The following SGCZ variants were observed in gnomAD, a reference collection of about 807,000 sequenced individuals.
The protein encoded by SGCZ is zeta-sarcoglycan.
A neutral mutation model predicts 41.3 loss-of-function variants in SGCZ; 40 were observed. That is an observed-to-expected ratio of 0.97 (90% CI 0.75 to 1.26). The LOEUF is 1.26. SGCZ is among the 50% of genes most tolerant of loss of function. The pLI, the probability that SGCZ is intolerant of heterozygous loss-of-function variation, is 0.00. For synonymous variants in SGCZ, 206 were observed against 137.5 expected, an observed-to-expected ratio of 1.50 and a Z score of -3.49; for missense variants, 552 against 369.8, an observed-to-expected ratio of 1.49 and a Z score of -4.04.
intron 1 of SGCZ, among the ~76,000 whole-genome samples, chr8:14,889,292 C>CAAA (rs200190975): frequency 7.4e-6 from 1 of 135,284 alleles, no homozygotes; most frequent in African/African-American, 2.7e-5. Context: ...GAAGACTGAC[C>CAAA]AAAAAAAAAA....
At chr8:14,458,985 T>A (rs1181142748) in intron 2 of SGCZ, among the ~76,000 whole-genome samples, 1 of 152,162 alleles carries the variant, frequency 6.6e-6, no homozygotes, top group Non-Finnish European at 1.5e-5. Context: ...AGTGGCCAAC[T>A]TGACAGAGAT....
Position 14,087,611 on chromosome 8 carries a change from T to C in SGCZ, c.*2832A>G, listed in dbSNP as rs1314225661. 1.3e-5 allele frequency among the ~76,000 whole-genome samples: 2 copies of C among 151,648 alleles called. No homozygotes were observed. The highest frequency in any genetic ancestry group is 3.0e-5 in the Non-Finnish European group (2 of 67,744). On this transcript the variant is annotated 3_prime_UTR_variant, in exon 8 of 8. Transcript: ENST00000382080. ...TGTCATTTGGGGAAGATGAAATTTA[T>C]ATAAGTAAACTGCATTTTATTTATA... is the stretch of plus-strand genomic sequence containing the variant.
chr8:14,263,023 C>T (rs1563220512), intron 3 of SGCZ, among the ~76,000 whole-genome samples: 1 of 152,154 alleles, frequency 6.6e-6, no homozygotes, highest in African/African-American at 2.4e-5. Context: ...AAATTTTAAA[C>T]TATGCATTTC....
chr8:14,985,081 C>A (rs1801787354), intron 1 of SGCZ, among the ~76,000 whole-genome samples: 1 of 152,070 alleles, frequency 6.6e-6, no homozygotes, highest in Admixed American at 6.6e-5. Context: ...CAAGCCAATA[C>A]CCAATGGTCA....
At chr8:14,240,630 T>A (rs1216714589) in intron 3 of SGCZ, among the ~76,000 whole-genome samples, 1 of 152,186 alleles carries the variant, frequency 6.6e-6, no homozygotes, top group Non-Finnish European at 1.5e-5. Flanking sequence ...CCTATGAACA[T>A]CAATATAGTA....
At chr8:15,103,248 A>G (rs563403811) in intron 1 of SGCZ, among the ~76,000 whole-genome samples, 4 of 152,138 alleles carry the variant, frequency 2.6e-5, no homozygotes, top group Admixed American at 2.0e-4. Context: ...TAAAAATACA[A>G]AAATTAGCAA....
At chr8:15,145,564 T>C (rs1161591495) in intron 1 of SGCZ, among the ~76,000 whole-genome samples, 1 of 152,194 alleles carries the variant, frequency 6.6e-6, no homozygotes, top group Non-Finnish European at 1.5e-5. Flanking sequence ...ACTCCTGGAT[T>C]TGAGTAATCC....
intron 3 of SGCZ, among the ~76,000 whole-genome samples, chr8:14,291,991 C>A (rs888535034): frequency 2.0e-5 from 3 of 152,022 alleles, no homozygotes; most frequent in Admixed American, 2.0e-4. Context: ...TTCTAATCTT[C>A]TCTCCATTAG....
At chr8:15,108,166 C>T (rs568881272) in intron 1 of SGCZ, among the ~76,000 whole-genome samples, 74 of 152,032 alleles carry the variant, frequency 4.9e-4, no homozygotes, top group Non-Finnish European at 7.2e-4. Flanking sequence ...GTTTTCCATG[C>T]GTTAATTTTG....
intron 1 of SGCZ, among the ~76,000 whole-genome samples, chr8:14,868,729 A>G (rs1353922656): frequency 6.6e-6 from 1 of 152,174 alleles, no homozygotes; most frequent in East Asian, 1.9e-4. Flanking sequence ...TCTTCTTATA[A>G]TAAGCCTCAA....
At chr8:14,449,910 C>A (rs1448942370) in intron 2 of SGCZ, among the ~76,000 whole-genome samples, 1 of 152,036 alleles carries the variant, frequency 6.6e-6, no homozygotes, top group Non-Finnish European at 1.5e-5. Flanking sequence ...TAAGAGTGAA[C>A]AACATCATGT....
chr8:14,230,893 T>C (rs774539817), intron 4 of SGCZ, among the ~76,000 whole-genome samples: 7 of 151,980 alleles, frequency 4.6e-5, no homozygotes, highest in Non-Finnish European at 1.0e-4. Context: ...ATCTACTGGT[T>C]AAAAAGTAAA....
intron 1 of SGCZ, among the ~76,000 whole-genome samples, chr8:14,608,767 G>A (rs565851608): frequency 1.1e-4 from 16 of 152,074 alleles, no homozygotes; most frequent in Non-Finnish European, 2.1e-4. Flanking sequence ...TCCAACACTG[G>A]AGATCACATT....
At chr8:14,888,368 T>C (rs1804889036) in intron 1 of SGCZ, among the ~76,000 whole-genome samples, 1 of 152,120 alleles carries the variant, frequency 6.6e-6, no homozygotes, top group African/African-American at 2.4e-5. Context: ...GGGCCATACG[T>C]GAGAAGCTTT....
In SGCZ at chr8:14,449,671, C is replaced by G. The variant is rs571466510; in HGVS notation, c.234+105061G>C. On this transcript the variant is annotated intron_variant, in intron 2 of 7. Transcript: ENST00000382080. Reference sequence around the variant, plus strand: ...AGATCTAAAGATAGACCCCGCTTGGCCTTTCACCCTCAAAGATACTCTTCA... The same window carrying G: ...AGATCTAAAGATAGACCCCGCTTGGGCTTTCACCCTCAAAGATACTCTTCA... Among the ~76,000 whole-genome samples, 5 of 152,234 alleles carry G rather than the reference C, an allele frequency of 3.3e-5. No individual in the cohort carries two copies. In the East Asian group the frequency reaches 9.7e-4, roughly 29 times the overall value.
At chr8:15,084,876 T>G (rs1021644801) in intron 1 of SGCZ, among the ~76,000 whole-genome samples, 7 of 152,168 alleles carry the variant, frequency 4.6e-5, no homozygotes, top group Admixed American at 3.3e-4. Context: ...ATATCTAACA[T>G]TGATAAGTTG....
chr8:14,709,924 T>C (rs980069816), intron 1 of SGCZ, among the ~76,000 whole-genome samples: 13 of 152,166 alleles, frequency 8.5e-5, no homozygotes, highest in African/African-American at 2.7e-4. Context: ...GTCTTAATAT[T>C]ATGTACCTGT....
At chr8:14,602,434 G>C (rs140805574) in intron 1 of SGCZ, among the ~76,000 whole-genome samples, 132 of 152,046 alleles carry the variant, frequency 8.7e-4, no homozygotes, top group Admixed American at 2.4e-3. Context: ...AATTACCTGG[G>C]AGGTAATTGG....
At chr8:14,647,749 C>T (rs1474602666) in intron 1 of SGCZ, among the ~76,000 whole-genome samples, 4 of 151,856 alleles carry the variant, frequency 2.6e-5, no homozygotes, top group Non-Finnish European at 4.4e-5. Context: ...ATGTTTAAAG[C>T]AGGGTGAGAA....
Sources: gnomAD v4.1 joint callset for allele counts (sites outside exome capture counted in the v4.1 genomes callset) on GRCh38, gnomAD v4.1.1 for gene constraint, MANE v1.5 for transcripts, NCBI Gene and HGNC (gene_info 2026-07-23, HGNC 2026-07-21) for gene names.